Variants in TUBGCP4 observed in about 807,000 individuals in gnomAD.
The protein encoded by TUBGCP4 is gamma-tubulin complex component 4.
Under a neutral mutation model 91.6 loss-of-function variants are expected in TUBGCP4, and 54 were observed. That is an observed-to-expected ratio of 0.59 (90% CI 0.47 to 0.74). The LOEUF is 0.74. Ranked by LOEUF, TUBGCP4 falls within the 30% of genes least tolerant of loss-of-function variation. The pLI, the probability that TUBGCP4 is intolerant of heterozygous loss-of-function variation, is 0.00. For synonymous variants in TUBGCP4, 297 were observed against 302.8 expected (o/e 0.98, Z 0.20); for missense variants, 593 against 800.9 (o/e 0.74, Z 3.13).
intron 5 of TUBGCP4, among the ~76,000 whole-genome samples, chr15:43,379,786 T>C (rs1374564282): frequency 2.6e-5 from 4 of 152,214 alleles, no homozygotes; most frequent in African/African-American, 9.6e-5. Flanking sequence ...TAAATGATTC[T>C]GGTTGCTTTA....
rs1263056449 is a variant in TUBGCP4, at chr15:43,371,306, C to T, written c.-49C>T. On this transcript the variant is annotated 5_prime_UTR_variant, in exon 1 of 18. Coordinates refer to ENST00000564079, the MANE Select transcript of TUBGCP4 (RefSeq NM_014444.5). ...CTCCCCTCGTGGTCGCCTGGAGGTG[C>T]GCTGGAGGAGGGGGTGACATAACCA... 2 of 1,580,624 alleles carry T rather than the reference C, an allele frequency of 1.3e-6. No individual in the cohort carries two copies. The highest frequency in any genetic ancestry group is 1.7e-4 in the Middle Eastern group (1 of 6,008).
At position 43,407,559 on chromosome 15, in the gene TUBGCP4, C is replaced by A; in HGVS notation, c.*2345C>A. The stretch of plus-strand genomic sequence containing the variant: ...TCCGTCACCACCACATCAAATACCC[C>A]TAAAGCAATATCTGCAAGGAGCAAG... On this transcript the variant is annotated 3_prime_UTR_variant, in exon 18 of 18. Coordinates refer to ENST00000564079, the MANE Select transcript of TUBGCP4 (RefSeq NM_014444.5). 1 of 1,611,816 alleles carries A rather than the reference C, an allele frequency of 6.2e-7. No homozygotes were observed. Among genetic ancestry groups the A allele is most frequent in the Non-Finnish European group, 8.5e-7 (1 of 1,178,392 alleles).
chr15:43,380,783 GA>G (rs1163093095), intron 6 of TUBGCP4, among the ~76,000 whole-genome samples: 1 of 152,064 alleles, frequency 6.6e-6, no homozygotes, highest in African/African-American at 2.4e-5. Flanking sequence ...ACTGACAAAT[GA>G]TACAAAATTG....
In TUBGCP4 at chr15:43,377,030, A is replaced by T. The variant is rs555525325; in HGVS notation, c.347A>T (p.His116Leu). 12 of 1,613,974 alleles carry T rather than the reference A, an allele frequency of 7.4e-6. No homozygotes were observed. In the East Asian group the frequency reaches 2.7e-4, roughly 36 times the overall value. The change falls in exon 4 of 18, where the codon CAT (histidine) becomes CTT (leucine). Residue 116 changes from histidine to leucine, a missense_variant. By Grantham distance (99) the His-to-Leu change is moderately conservative. Transcript: ENST00000564079. The stretch of plus-strand genomic sequence containing the variant: ...TTATTGCAGTTCCTGGGTGATCCCC[A>T]TCTCTCCATATCACATGTCAACTAC... ...DLEQEFLGDP[H>L]LSISHVNYFL...
In TUBGCP4 at chr15:43,376,596, C is replaced by T. The variant is rs773857244; in HGVS notation, c.301C>T (p.Arg101Cys). Residue 101 changes from arginine to cysteine, a missense_variant, in exon 3 of 18, where the codon CGC (arginine) becomes TGC (cysteine). Coordinates refer to ENST00000564079, the MANE Select transcript of TUBGCP4 (RefSeq NM_014444.5). ...GCTGGATTCTGTTTTGCAGCCTTAT[C>T]GCCAAGCACTGCTTGATTTGGAACA... The part of the protein sequence containing the change: ...TGLDSVLQPY[R>C]QALLDLEQEF... 1.1e-5 allele frequency: 17 copies of T among 1,614,168 alleles called. No individual in the cohort carries two copies. The highest frequency in any genetic ancestry group is 2.2e-5 in the East Asian group (1 of 44,882).
chr15:43,395,006 T>A (rs1036216414), intron 9 of TUBGCP4, 101 bp from the exon 10 acceptor site: 10 of 1,272,116 alleles, frequency 7.9e-6, no homozygotes, highest in Non-Finnish European at 1.1e-5. Context: ...GGGCAAGGTA[T>A]AGTCTTCTTT....
At chr15:43,396,630 C>T (rs1257234546) in intron 11 of TUBGCP4, among the ~76,000 whole-genome samples, 1 of 152,174 alleles carries the variant, frequency 6.6e-6, no homozygotes, top group Non-Finnish European at 1.5e-5. Context: ...TATTGATTCT[C>T]ATAACTGAAA....
rs1317272249 is a variant in TUBGCP4, at chr15:43,406,837, C to CTT, written c.*1625_*1626dup. ...CACTGTCCCTTCATGGCAGTTGGTC[C>CTT]TTTCGTTCTCCCTTTAGCTCTAAGA... On this transcript the variant is annotated 3_prime_UTR_variant, in exon 18 of 18. Coordinates refer to ENST00000564079, the MANE Select transcript of TUBGCP4 (RefSeq NM_014444.5). 6.2e-6 allele frequency: 2 copies of CTT among 323,352 alleles called. No homozygotes were observed. The highest frequency in any genetic ancestry group is 4.3e-5 in the African/African-American group (2 of 46,030). The allele number at this position is 323,352 out of a possible 1,614,324, so 20.0% of individuals were successfully genotyped here.
At position 43,385,688 on chromosome 15, in the gene TUBGCP4, C is replaced by T. The variant is rs185843860; in HGVS notation, c.724-103C>T. On this transcript the variant is annotated intron_variant, in intron 7 of 17. Transcript: ENST00000564079. ...TGCAACACCAGATTTGAAGTCCCTG[C>T]GTCTTTATTTTAAATCATGGGTTGG... 1.7e-5 allele frequency: 21 copies of T among 1,240,078 alleles called. No homozygotes were observed. In the East Asian group the frequency reaches 1.9e-4, roughly 11 times the overall value. The allele number at this position is 1,240,078 out of a possible 1,614,324, so 76.8% of individuals were successfully genotyped here. A position where few individuals can be genotyped will look rare whatever the true frequency, so the allele number is the denominator to read the frequency against.
At chr15:43,391,132 C>A (rs992579168) in intron 9 of TUBGCP4, among the ~76,000 whole-genome samples, 2 of 151,800 alleles carry the variant, frequency 1.3e-5, no homozygotes, top group African/African-American at 4.8e-5. Context: ...CTCAAGCAAT[C>A]TTCCCTTCTG....
In TUBGCP4 at chr15:43,376,995, A is replaced by C; in HGVS notation, c.331-19A>C. On this transcript the variant is annotated intron_variant, in intron 3 of 17. Transcript: ENST00000564079. ...AGATATTTTGTGTGGAGCTCTAATCACAAAGTTTTTTATTGCAGTTCCTGG... is the reference window on the plus strand; with the variant it reads ...AGATATTTTGTGTGGAGCTCTAATCCCAAAGTTTTTTATTGCAGTTCCTGG... The C allele has an allele frequency of 1.2e-6, 2 of 1,607,146 alleles. No individual in the cohort carries two copies. The highest frequency in any genetic ancestry group is 1.7e-6 in the Non-Finnish European group (2 of 1,173,898).
rs1019522456 is a variant in TUBGCP4, at chr15:43,401,584, A to G, written c.1597-132A>G. On this transcript the variant is annotated intron_variant, in intron 14 of 17. Transcript: ENST00000564079. Reference sequence around the variant, plus strand: ...GGGCAATATAAGGGTGTCTTTGGTCAGCCTTAATGTGACTTGGTTAGAAGG... The same window carrying G: ...GGGCAATATAAGGGTGTCTTTGGTCGGCCTTAATGTGACTTGGTTAGAAGG... 7 of 927,434 alleles carry G rather than the reference A, an allele frequency of 7.5e-6. No individual in the cohort carries two copies. In the East Asian group the frequency reaches 1.2e-4, roughly 16 times the overall value. The allele number at this position is 927,434 out of a possible 1,614,324, so 57.5% of individuals were successfully genotyped here.
At chr15:43,380,721 G>A (rs2044273799) in intron 6 of TUBGCP4, among the ~76,000 whole-genome samples, 1 of 152,076 alleles carries the variant, frequency 6.6e-6, no homozygotes, top group Admixed American at 6.6e-5. Flanking sequence ...AGACTATAAA[G>A]CCACTAAAAG....
chr15:43,371,353 G>GA lies in TUBGCP4; in HGVS notation c.1dup. ...ACCAGGGACTCGAGGTCCGCCGTGG[G>GA]AATGATCCACGAACTGCTCTTGGCT... On this transcript the variant is annotated 5_prime_UTR_variant, in exon 1 of 18. Coordinates refer to ENST00000564079, the MANE Select transcript of TUBGCP4 (RefSeq NM_014444.5). 6.2e-7 allele frequency: 1 copy of GA among 1,613,866 alleles called. No individual in the cohort carries two copies.
chr15:43,399,737 C>G (rs1387466611), intron 13 of TUBGCP4, among the ~76,000 whole-genome samples: 1 of 152,146 alleles, frequency 6.6e-6, no homozygotes, highest in Non-Finnish European at 1.5e-5. Context: ...AGAAGCAACA[C>G]GAGTCAACCA....
At chr15:43,390,412 ATCTAG>A (rs1339051100) in intron 9 of TUBGCP4, among the ~76,000 whole-genome samples, 2 of 152,066 alleles carry the variant, frequency 1.3e-5, no homozygotes, top group Admixed American at 1.3e-4. Flanking sequence ...ATTTAAAAAA[ATCTAG>A]TCATTTATGT....
chr15:43,386,400 T>TTTTTTTTTTTTTTTTTTTC (rs1330936603), intron 9 of TUBGCP4, 70 bp downstream of exon 9: 1 of 148,044 alleles, frequency 6.8e-6, no homozygotes, highest in African/African-American at 3.2e-5. Flanking sequence ...TTTTTTTTTT[T>TTTTTTTTTTTTTTTTTTTC]CTTAGGCAAA....
chr15:43,371,492 G>T (rs1261049638), intron 1 of TUBGCP4, 60 bp downstream of exon 1: 5 of 1,548,636 alleles, frequency 3.2e-6, no homozygotes, highest in Non-Finnish European at 3.6e-6. Context: ...CTGAGCCAGC[G>T]CCTGGGGGAG....
rs762845329 is a variant in TUBGCP4 at position 43,397,337 on chromosome 15, C to G, written c.1279+16C>G. The G allele has an allele frequency of 6.3e-7, 1 of 1,581,320 alleles. No individual in the cohort carries two copies. Among genetic ancestry groups the G allele is most frequent in the Admixed American group, 1.7e-5 (1 of 59,992 alleles). On this transcript the variant is annotated intron_variant, in intron 12 of 17. Coordinates refer to ENST00000564079, the MANE Select transcript of TUBGCP4 (RefSeq NM_014444.5). ...GAGCACAAAGGTTTGCCATTCCTCC[C>G]TGCCACCTTAGAGTTCCTGCTGGTC...
Sources: gnomAD v4.1 joint callset for allele counts (sites outside exome capture counted in the v4.1 genomes callset) on GRCh38, gnomAD v4.1.1 for gene constraint, MANE v1.5 for transcripts, NCBI Gene and HGNC (gene_info 2026-07-23, HGNC 2026-07-21) for gene names.